Variants in B4GALT6 observed in about 807,000 individuals in gnomAD.
B4GALT6 encodes the protein beta-1,4-galactosyltransferase 6, also known as UDP-Gal:beta-GlcNAc beta-1,4-galactosyltransferase 6.
Under a neutral mutation model 46.3 loss-of-function variants are expected in B4GALT6, and 14 were observed. The ratio of observed to expected loss-of-function variants is 0.30; its 90% CI spans 0.20 to 0.47. The LOEUF (loss-of-function observed/expected upper bound fraction) is 0.47. Ranked by LOEUF, B4GALT6 falls within the 20% of genes least tolerant of loss-of-function variation. The pLI is 0.99. For missense variants in B4GALT6, 386 were observed against 480.1 expected, an observed-to-expected ratio of 0.80 and a Z score of 1.83; for synonymous variants, 168 against 162.0, an observed-to-expected ratio of 1.04 and a Z score of -0.28.
At chr18:31,664,196 G>A (rs546644883) in intron 2 of B4GALT6, among the ~76,000 whole-genome samples, 3 of 151,000 alleles carry the variant, frequency 2.0e-5, no homozygotes, top group South Asian at 4.2e-4. Context: ...TAACCATGGA[G>A]CCACATGACA....
Position 31,624,626 on chromosome 18 carries a change from A to T in B4GALT6, c.*988T>A, listed in dbSNP as rs2073663048. Reference sequence around the variant, plus strand: ...GTTTTCTTCCATAGATCATTCTTTTAAAAAAACTGACTTGATTTCTTTTTA... The same window carrying T: ...GTTTTCTTCCATAGATCATTCTTTTTAAAAAACTGACTTGATTTCTTTTTA... On this transcript the variant is annotated 3_prime_UTR_variant, in exon 9 of 9. Coordinates refer to ENST00000306851, the MANE Select transcript of B4GALT6 (RefSeq NM_004775.5). The T allele has an allele frequency of 6.6e-6, 1 of 151,816 alleles. No homozygotes were observed. Among genetic ancestry groups the T allele is most frequent in the Non-Finnish European group, 1.5e-5 (1 of 67,950 alleles). The allele number at this position is 151,816 out of a possible 1,614,324, so 9.4% of individuals were successfully genotyped here.
At chr18:31,657,878 T>G in intron 3 of B4GALT6, 98 bp downstream of exon 3, 1 of 803,680 alleles carries the variant, frequency 1.2e-6, no homozygotes, top group East Asian at 2.5e-5. Context: ...TGCACCCAGG[T>G]GCACATGACC....
In B4GALT6 at chr18:31,673,845, C is replaced by A. The variant is rs560339936; in HGVS notation, c.116-7473G>T. On this transcript the variant is annotated intron_variant, in intron 1 of 8. Transcript: ENST00000306851. ...AAGGATTCTGAGATGAGGAGATCAT[C>A]CTGGATTACCCAGGTGGACCCTAAA... 2.0e-5 allele frequency among the ~76,000 whole-genome samples: 3 copies of A among 152,160 alleles called. No individual in the cohort carries two copies. In the South Asian group the frequency reaches 6.2e-4, roughly 32 times the overall value.
At chr18:31,711,391 G>C in the B4GALT6 span, among the ~76,000 whole-genome samples, 1 of 151,944 alleles carries the variant, frequency 6.6e-6, no homozygotes, top group Non-Finnish European at 1.5e-5. Context: ...TATATTTTCT[G>C]CTCCTCTCCC....
At chr18:31,685,410 C>T (rs956540274), upstream of B4GALT6, among the ~76,000 whole-genome samples, 1 of 151,550 alleles carries the variant, frequency 6.6e-6, no homozygotes, top group African/African-American at 2.4e-5. Context: ...CGGAGGAAAA[C>T]CGGGACCGGC....
At chr18:31,694,469 CA>C in the B4GALT6 span, among the ~76,000 whole-genome samples, 3 of 152,122 alleles carry the variant, frequency 2.0e-5, no homozygotes, top group South Asian at 2.1e-4. Flanking sequence ...CTCTTCAGGA[CA>C]ATGGAGCACT....
At chr18:31,660,589 A>C (rs546136814) in intron 2 of B4GALT6, among the ~76,000 whole-genome samples, 6 of 152,262 alleles carry the variant, frequency 3.9e-5, no homozygotes, top group Admixed American at 6.5e-5. Flanking sequence ...CTTAAAAATA[A>C]GTTTGCCAAA....
chr18:31,722,610 T>G, the B4GALT6 span, among the ~76,000 whole-genome samples: 1 of 146,608 alleles, frequency 6.8e-6, no homozygotes, highest in African/African-American at 2.4e-5. Flanking sequence ...GACTCCCTCA[T>G]CAGCAGGCTC....
chr18:31,629,147 A>G (rs2073742115), intron 6 of B4GALT6, among the ~76,000 whole-genome samples: 1 of 152,204 alleles, frequency 6.6e-6, no homozygotes, highest in African/African-American at 2.4e-5. Context: ...ATGGTATACA[A>G]TACATATAAC....
At chr18:31,722,814 A>G in the B4GALT6 span, among the ~76,000 whole-genome samples, 1 of 152,208 alleles carries the variant, frequency 6.6e-6, no homozygotes, top group Non-Finnish European at 1.5e-5. Context: ...AATCACACAC[A>G]ATAAAAGAGA....
the B4GALT6 span, among the ~76,000 whole-genome samples, chr18:31,717,354 T>C: frequency 1.3e-5 from 2 of 152,160 alleles, no homozygotes; most frequent in Admixed American, 1.3e-4. Context: ...AGGTACCTTA[T>C]GGAATTGACT....
intron 6 of B4GALT6, 136 bp downstream of exon 6, chr18:31,630,823 G>A (rs150854025): frequency 1.6e-4 from 148 of 916,612 alleles, no homozygotes; most frequent in Non-Finnish European, 2.2e-4. Flanking sequence ...TCCCCAGGAG[G>A]ACACGATGGA....
intron 1 of B4GALT6, among the ~76,000 whole-genome samples, chr18:31,673,051 G>A (rs2074374330): frequency 6.6e-6 from 1 of 152,174 alleles, no homozygotes. Flanking sequence ...AGGGCCCTGA[G>A]CATGTCAGCA....
At chr18:31,631,766 T>C (rs1567958988) in intron 5 of B4GALT6, among the ~76,000 whole-genome samples, 2 of 152,226 alleles carry the variant, frequency 1.3e-5, no homozygotes, top group Non-Finnish European at 2.9e-5. Flanking sequence ...CTTTCTATTA[T>C]TAATGCTTAT....
At chr18:31,723,293 G>A in the B4GALT6 span, among the ~76,000 whole-genome samples, 1 of 152,168 alleles carries the variant, frequency 6.6e-6, no homozygotes, top group Non-Finnish European at 1.5e-5. Context: ...GTAGGTGTCA[G>A]TACCACCGCA....
chr18:31,678,234 G>C (rs1022941511), intron 1 of B4GALT6, among the ~76,000 whole-genome samples: 1 of 151,972 alleles, frequency 6.6e-6, no homozygotes, highest in Non-Finnish European at 1.5e-5. Context: ...TTTAAGAGGC[G>C]GTCATCTACC....
chr18:31,684,988 G>A (rs1274546670), upstream of B4GALT6, among the ~76,000 whole-genome samples: 1 of 147,000 alleles, frequency 6.8e-6, no homozygotes, highest in African/African-American at 2.4e-5. Context: ...GGCTAGCGTG[G>A]GCGCCGGGGC....
the B4GALT6 span, among the ~76,000 whole-genome samples, chr18:31,693,835 G>A: frequency 6.6e-6 from 1 of 152,052 alleles, no homozygotes; most frequent in Admixed American, 6.6e-5. Flanking sequence ...AGGCATGGCA[G>A]TACACGCCTG....
chr18:31,720,381 T>A, the B4GALT6 span, among the ~76,000 whole-genome samples: 1 of 152,218 alleles, frequency 6.6e-6, no homozygotes, highest in East Asian at 1.9e-4. Context: ...ACCAGCAGGC[T>A]CCCTGAGGCC....
Sources: allele counts gnomAD v4.1 joint callset (sites outside exome capture counted in the v4.1 genomes callset), GRCh38; gene constraint gnomAD v4.1.1; transcripts MANE v1.5; gene names NCBI Gene and HGNC (gene_info 2026-07-23, HGNC 2026-07-21).